SEPTIN7: variants seen among roughly 807,000 people sequenced by gnomAD.
SEPTIN7 encodes the protein septin-7.
Under a neutral mutation model 63.3 loss-of-function variants are expected in SEPTIN7, and 10 were observed. That is an observed-to-expected ratio of 0.16 (90% CI 0.10 to 0.27). The LOEUF (loss-of-function observed/expected upper bound fraction) is 0.27, where lower values mean the gene tolerates loss of function less well. SEPTIN7 is among the 10% of genes least tolerant of loss of function. The pLI is 1.00. For synonymous variants in SEPTIN7, 131 were observed against 165.3 expected, an observed-to-expected ratio of 0.79 and a Z score of 1.59; for missense variants, 310 against 521.0, an observed-to-expected ratio of 0.59 and a Z score of 3.94.
intron 1 of SEPTIN7, among the ~76,000 whole-genome samples, chr7:35,811,098 A>G (rs755847794): frequency 6.6e-6 from 1 of 152,120 alleles, no homozygotes; most frequent in Non-Finnish European, 1.5e-5. Flanking sequence ...AGATTTTGGT[A>G]TGTATTGTCC....
chr7:35,858,829 C>T lies in SEPTIN7; in HGVS notation c.170-4723C>T, dbSNP rs558853606. ...CCAAGTAGCTGAGATTACAGGCATG[C>T]GCCACCACACCCAGCTAATTTTGTA... On this transcript the variant is annotated intron_variant, in intron 3 of 13. Transcript: ENST00000350320. Among the ~76,000 whole-genome samples the T allele has an allele frequency of 3.3e-5, 5 of 151,964 alleles. 1 individual carries two copies. The Middle Eastern group carries it at 0.014, about 414-fold the overall frequency.
chr7:35,872,506 G>A (rs1257140402), intron 4 of SEPTIN7, among the ~76,000 whole-genome samples, 160 bp from the exon 5 acceptor site: 3 of 152,044 alleles, frequency 2.0e-5, no homozygotes, highest in Admixed American at 6.6e-5. Flanking sequence ...TCCAATGCCC[G>A]CTATCATCAA....
chr7:35,848,478 G>A (rs907985979), intron 3 of SEPTIN7, among the ~76,000 whole-genome samples: 4 of 152,004 alleles, frequency 2.6e-5, no homozygotes, highest in Admixed American at 2.6e-4. Context: ...CAGCATGTTA[G>A]CCAGGATGGT....
chr7:35,813,461 G>A (rs1788863339), intron 1 of SEPTIN7, among the ~76,000 whole-genome samples: 2 of 151,890 alleles, frequency 1.3e-5, no homozygotes, highest in Non-Finnish European at 2.9e-5. Flanking sequence ...GGGTTCAAGC[G>A]ATTCTCATTC....
intron 3 of SEPTIN7, among the ~76,000 whole-genome samples, chr7:35,846,603 A>C (rs1012004132): frequency 2.0e-5 from 3 of 152,154 alleles, no homozygotes; most frequent in Non-Finnish European, 2.9e-5. Context: ...ATAACTTCCC[A>C]TAACTTCCCA....
At chr7:35,841,093 C>T (rs113253076) in intron 3 of SEPTIN7, among the ~76,000 whole-genome samples, 5,036 of 152,110 alleles carry the variant, frequency 0.033, 116 homozygotes, top group Non-Finnish European at 0.053. Context: ...TAGCGGTGTG[C>T]ACCTGTAATC....
At chr7:35,909,940 G>A (rs1341398008), downstream of SEPTIN7, among the ~76,000 whole-genome samples, 1 of 152,230 alleles carries the variant, frequency 6.6e-6, no homozygotes, top group Non-Finnish European at 1.5e-5. Flanking sequence ...TTGCAGTAAA[G>A]ATGTTGGCTG....
At chr7:35,851,299 T>C (rs12532523) in intron 3 of SEPTIN7, among the ~76,000 whole-genome samples, 2,196 of 152,254 alleles carry the variant, frequency 0.014, 132 homozygotes, top group Admixed American at 0.11. Context: ...TATTATGTTT[T>C]GTTTTAATAA....
At chr7:35,837,414 A>G (rs1243311164) in intron 3 of SEPTIN7, among the ~76,000 whole-genome samples, 2 of 152,136 alleles carry the variant, frequency 1.3e-5, no homozygotes, top group Non-Finnish European at 2.9e-5. Flanking sequence ...TCTTGGTCAT[A>G]TTGTCAGGAT....
chr7:35,871,266 A>AT (rs561849077), intron 4 of SEPTIN7, among the ~76,000 whole-genome samples: 23 of 152,212 alleles, frequency 1.5e-4, no homozygotes, highest in Non-Finnish European at 2.2e-4. Flanking sequence ...ATCTCAGGCA[A>AT]TTTTTTTCAG....
At chr7:35,866,936 G>T (rs1324080895) in intron 4 of SEPTIN7, among the ~76,000 whole-genome samples, 2 of 152,162 alleles carry the variant, frequency 1.3e-5, no homozygotes, top group African/African-American at 4.8e-5. Flanking sequence ...CTATATAGCA[G>T]GTTTGAGGCA....
At chr7:35,875,842 T>C (rs1171986898) in intron 6 of SEPTIN7, among the ~76,000 whole-genome samples, 2 of 152,174 alleles carry the variant, frequency 1.3e-5, no homozygotes, top group African/African-American at 4.8e-5. Context: ...TGCTGTAGAC[T>C]TTGAGGTTAA....
intron 11 of SEPTIN7, among the ~76,000 whole-genome samples, chr7:35,897,509 AT>A (rs113823652): frequency 0.04 from 5,970 of 147,862 alleles, 287 homozygotes; most frequent in African/African-American, 0.11. Flanking sequence ...CAGAGTGAAC[AT>A]TTTTTTTTTT....
In SEPTIN7 at chr7:35,863,674, T is replaced by C. The variant is rs1206211507; in HGVS notation, c.276+16T>C. On this transcript the variant is annotated intron_variant, in intron 4 of 13. Coordinates refer to ENST00000350320, the MANE Select transcript of SEPTIN7 (RefSeq NM_001788.6). ...GACTGTACAGGTATGGATATTAGTA[T>C]TGTTAATTGATAAGCTGGAATAATA... The C allele has an allele frequency of 2.4e-6, 3 of 1,253,246 alleles. No homozygotes were observed. Among genetic ancestry groups the C allele is most frequent in the Non-Finnish European group, 3.4e-6 (3 of 893,212 alleles). The allele number at this position is 1,253,246 out of a possible 1,614,324, so 77.6% of individuals were successfully genotyped here. A position where few individuals can be genotyped will look rare whatever the true frequency, so the allele number is the denominator to read the frequency against.
At chr7:35,912,990 AG>A in the SEPTIN7 span, among the ~76,000 whole-genome samples, 22 of 152,184 alleles carry the variant, frequency 1.4e-4, no homozygotes, top group Non-Finnish European at 3.1e-4. Flanking sequence ...TTGATATGAA[AG>A]TCCACCATCA....
chr7:35,910,236 TG>T (rs368214220), downstream of SEPTIN7, among the ~76,000 whole-genome samples: 77 of 152,344 alleles, frequency 5.1e-4, no homozygotes, highest in African/African-American at 1.8e-3. Flanking sequence ...TCCTGTTCAA[TG>T]CATGAAGGAG....
At chr7:35,805,264 A>AT (rs1348353260) in intron 1 of SEPTIN7, among the ~76,000 whole-genome samples, 1 of 152,152 alleles carries the variant, frequency 6.6e-6, no homozygotes, top group African/African-American at 2.4e-5. Flanking sequence ...GGTGATATGA[A>AT]TTTTTTTAGC....
At chr7:35,849,448 G>T (rs1343864804) in intron 3 of SEPTIN7, among the ~76,000 whole-genome samples, 1 of 152,118 alleles carries the variant, frequency 6.6e-6, no homozygotes, top group Non-Finnish European at 1.5e-5. Context: ...TGATGCTGCC[G>T]CTGGTCTGAC....
chr7:35,904,916 C>T lies in SEPTIN7; in HGVS notation c.*623C>T, dbSNP rs1250981993. 6.6e-6 allele frequency: 1 copy of T among 152,214 alleles called. No homozygotes were observed. The highest frequency in any genetic ancestry group is 2.4e-5 in the African/African-American group (1 of 41,348). The allele number at this position is 152,214 out of a possible 1,614,324, so 9.4% of individuals were successfully genotyped here. ...AATATATATTATTCTCATTTAGTGCCCTCTTTAGCCAGAATCTCATTACTG... is the reference window on the plus strand; with the variant it reads ...AATATATATTATTCTCATTTAGTGCTCTCTTTAGCCAGAATCTCATTACTG... On this transcript the variant is annotated 3_prime_UTR_variant, in exon 14 of 14. Coordinates refer to ENST00000350320, the MANE Select transcript of SEPTIN7 (RefSeq NM_001788.6).
Sources: gnomAD v4.1 joint callset for allele counts (sites outside exome capture counted in the v4.1 genomes callset) on GRCh38, gnomAD v4.1.1 for gene constraint, MANE v1.5 for transcripts, NCBI Gene and HGNC (gene_info 2026-07-23, HGNC 2026-07-21) for gene names.